LPAR1: variants seen among roughly 807,000 people sequenced by gnomAD.
The protein encoded by LPAR1 is lysophosphatidic acid receptor 1.
A neutral mutation model predicts 23.8 loss-of-function variants in LPAR1; 5 were observed. The ratio of observed to expected loss-of-function variants is 0.21; its 90% CI spans 0.11 to 0.44. LPAR1 has a LOEUF of 0.44. LPAR1 is among the 20% of genes least tolerant of loss of function. The probability of loss-of-function intolerance (pLI) is 0.99; values close to 1 mark genes in which losing one functional copy is unlikely to be tolerated. For missense variants in LPAR1, 311 were observed against 482.8 expected (o/e 0.64, Z 3.33); for synonymous variants, 160 against 164.7 (o/e 0.97, Z 0.22).
chr9:110,967,799 T>C (rs952899459), intron 4 of LPAR1, among the ~76,000 whole-genome samples: 2 of 152,224 alleles, frequency 1.3e-5, no homozygotes, highest in Non-Finnish European at 2.9e-5. Flanking sequence ...TAAATTTCAC[T>C]GTACAAATTA....
At chr9:111,013,197 T>TG in intron 2 of LPAR1, among the ~76,000 whole-genome samples, 2 of 152,296 alleles carry the variant, frequency 1.3e-5, no homozygotes, top group East Asian at 3.9e-4. Context: ...TTTTTGCTGT[T>TG]GGGGTCGTAG....
chr9:110,975,515 G>A (rs531063063), intron 2 of LPAR1, among the ~76,000 whole-genome samples: 7 of 152,294 alleles, frequency 4.6e-5, no homozygotes, highest in Non-Finnish European at 7.4e-5. Flanking sequence ...AAGAGCTGAG[G>A]TCTGAACCAG....
At chr9:110,982,867 C>CACAT (rs2096703294) in intron 2 of LPAR1, among the ~76,000 whole-genome samples, 1 of 148,196 alleles carries the variant, frequency 6.7e-6, no homozygotes, top group African/African-American at 2.6e-5. Flanking sequence ...CACATACACA[C>CACAT]ACACACACAC....
intron 4 of LPAR1, among the ~76,000 whole-genome samples, chr9:110,943,678 G>A (rs7034908): frequency 0.41 from 61,485 of 151,540 alleles, 12,931 homozygotes; most frequent in East Asian, 0.8. Context: ...TGGCCAACAT[G>A]GTGAAACCCC....
chr9:110,986,864 T>C (rs2096793371), intron 2 of LPAR1, among the ~76,000 whole-genome samples: 1 of 152,094 alleles, frequency 6.6e-6, no homozygotes, highest in Non-Finnish European at 1.5e-5. Flanking sequence ...TGAATCAAAA[T>C]CAATACTGAG....
At chr9:110,945,107 T>C (rs867896900) in intron 4 of LPAR1, among the ~76,000 whole-genome samples, 1 of 152,192 alleles carries the variant, frequency 6.6e-6, no homozygotes. Context: ...CCTCCTCTCT[T>C]ATTGTCTGCA....
chr9:110,905,966 T>C (rs929232763), intron 5 of LPAR1, among the ~76,000 whole-genome samples: 14 of 152,350 alleles, frequency 9.2e-5, no homozygotes, highest in Non-Finnish European at 1.3e-4. Flanking sequence ...TGAATTTCTG[T>C]ATTTCAAACA....
At chr9:111,009,216 A>C (rs2097278000) in intron 2 of LPAR1, among the ~76,000 whole-genome samples, 1 of 152,182 alleles carries the variant, frequency 6.6e-6, no homozygotes, top group South Asian at 2.1e-4. Flanking sequence ...AAATATAAAA[A>C]CACAGTATTT....
At chr9:111,032,530 G>A (rs1176407940) in intron 2 of LPAR1, among the ~76,000 whole-genome samples, 1 of 152,092 alleles carries the variant, frequency 6.6e-6, no homozygotes, top group East Asian at 1.9e-4. Context: ...TCAGTTAAGT[G>A]CTCCTGAGAT....
At chr9:110,911,808 G>T (rs1184086308) in intron 5 of LPAR1, among the ~76,000 whole-genome samples, 5 of 152,062 alleles carry the variant, frequency 3.3e-5, no homozygotes, top group Non-Finnish European at 7.4e-5. Context: ...TCACTTTATT[G>T]CAATATTTGC....
intron 4 of LPAR1, among the ~76,000 whole-genome samples, chr9:110,949,138 C>T (rs1564139095): frequency 6.6e-6 from 1 of 152,094 alleles, no homozygotes. Flanking sequence ...GTGATATCCC[C>T]ATGCTCCTCC....
At chr9:110,919,138 C>T (rs1456035480) in intron 5 of LPAR1, among the ~76,000 whole-genome samples, 1 of 152,102 alleles carries the variant, frequency 6.6e-6, no homozygotes, top group Non-Finnish European at 1.5e-5. Context: ...GGAGATTACC[C>T]TGGGTCAGTT....
At chr9:111,019,400 G>T (rs2097518457) in intron 2 of LPAR1, among the ~76,000 whole-genome samples, 1 of 152,114 alleles carries the variant, frequency 6.6e-6, no homozygotes, top group Admixed American at 6.5e-5. Flanking sequence ...ACTTTAAGAT[G>T]TGTTCACTGG....
At chr9:111,019,775 G>A (rs2097527464) in intron 2 of LPAR1, among the ~76,000 whole-genome samples, 1 of 152,142 alleles carries the variant, frequency 6.6e-6, no homozygotes, top group African/African-American at 2.4e-5. Context: ...AACCTGGGAG[G>A]TGGAGATTGC....
At position 110,886,091 on chromosome 9, in the gene LPAR1, C is replaced by T. The variant is rs569107502; in HGVS notation, c.794-10369G>A. Among the ~76,000 whole-genome samples the T allele has an allele frequency of 1.1e-4, 16 of 151,758 alleles. No individual in the cohort carries two copies. The East Asian group carries it at 1.4e-3, about 13-fold the overall frequency. Reference sequence around the variant, plus strand: ...CGGGTGCCTGTAATCTCAGCCACTCCGGAGTCTACGGCAGGAGAATTGCTT... The same window carrying T: ...CGGGTGCCTGTAATCTCAGCCACTCTGGAGTCTACGGCAGGAGAATTGCTT... On this transcript the variant is annotated intron_variant, in intron 5 of 5. Transcript: ENST00000683809.
intron 2 of LPAR1, among the ~76,000 whole-genome samples, chr9:111,026,504 T>G (rs2097694501): frequency 6.6e-6 from 1 of 152,214 alleles, no homozygotes; most frequent in Non-Finnish European, 1.5e-5. Context: ...TCTTCCTGTA[T>G]GAATATCCTT....
At chr9:111,003,924 T>A (rs1162765753) in intron 2 of LPAR1, among the ~76,000 whole-genome samples, 1 of 152,202 alleles carries the variant, frequency 6.6e-6, no homozygotes, top group Non-Finnish European at 1.5e-5. Context: ...TTTGCATATG[T>A]CTTGGACCAC....
rs542350855 is a variant in LPAR1 at position 110,959,508 on chromosome 9, C to T, written c.45+12565G>A. Among the ~76,000 whole-genome samples, 31 of 152,132 alleles carry T rather than the reference C, an allele frequency of 2.0e-4. No individual in the cohort carries two copies. In the East Asian group the frequency reaches 5.8e-3, roughly 28 times the overall value. ...TGGTACACACCTGTGGTCCTAGCTA[C>T]TTGGGAGGCTGAGGTGGGAGGATCA... On this transcript the variant is annotated intron_variant, in intron 4 of 5. Coordinates refer to ENST00000683809, the MANE Select transcript of LPAR1 (RefSeq NM_001351411.2).
rs138988541 is a variant in LPAR1 at position 111,002,831 on chromosome 9, G to A, written c.-181-29273C>T. 2.9e-4 allele frequency among the ~76,000 whole-genome samples: 44 copies of A among 152,262 alleles called. No homozygotes were observed. In the East Asian group the frequency reaches 7.3e-3, roughly 25 times the overall value. ...ATCAAAAGTCGAAAGCGCTGTAGGT[G>A]TAACTTCTCTTTAAAATATGAAGGG... is the stretch of plus-strand genomic sequence containing the variant. On this transcript the variant is annotated intron_variant, in intron 2 of 5. Transcript: ENST00000683809.
Sources: allele counts gnomAD v4.1 joint callset (sites outside exome capture counted in the v4.1 genomes callset), GRCh38; gene constraint gnomAD v4.1.1; transcripts MANE v1.5; gene names NCBI Gene and HGNC (gene_info 2026-07-23, HGNC 2026-07-21).